The following SP1 variants were observed in gnomAD, a reference collection of about 807,000 sequenced individuals.
SP1 encodes the protein Sp1 transcription factor.
Under a neutral mutation model 66.3 loss-of-function variants are expected in SP1, and 6 were observed. The ratio of observed to expected loss-of-function variants is 0.09; its 90% CI spans 0.05 to 0.18. The LOEUF is 0.18. Ranked by LOEUF, SP1 falls within the 10% of genes least tolerant of loss-of-function variation. SP1 has a pLI of 1.00. For synonymous variants in SP1, 417 were observed against 360.8 expected (o/e 1.16, Z -1.77); for missense variants, 848 against 964.5 (o/e 0.88, Z 1.60).
intron 3 of SP1, among the ~76,000 whole-genome samples, chr12:53,406,156 C>T (rs936337509): frequency 1.5e-4 from 22 of 150,032 alleles, no homozygotes; most frequent in African/African-American, 4.6e-4. Flanking sequence ...CTGCAACCTC[C>T]GCCTCCCGGG....
At chr12:53,394,365 GTTTC>G (rs570663659) in intron 3 of SP1, among the ~76,000 whole-genome samples, 2 of 147,216 alleles carry the variant, frequency 1.4e-5, no homozygotes, top group African/African-American at 2.5e-5. Context: ...AAAAAATCAA[GTTTC>G]TTTCTCTCTC....
At chr12:53,391,580 C>T (rs1938353158) in intron 3 of SP1, among the ~76,000 whole-genome samples, 1 of 152,112 alleles carries the variant, frequency 6.6e-6, no homozygotes, top group Non-Finnish European at 1.5e-5. Flanking sequence ...GCCTCGGCCT[C>T]CCAAAGTGCT....
chr12:53,380,663 C>T (rs1288599032), intron 1 of SP1: 7 of 991,018 alleles, frequency 7.1e-6, no homozygotes, highest in Middle Eastern at 5.0e-4. Context: ...CCGGGCCAAC[C>T]GCCTGCCTGG....
intron 3 of SP1, among the ~76,000 whole-genome samples, chr12:53,405,667 A>C (rs1938716059): frequency 6.6e-6 from 1 of 151,418 alleles, no homozygotes; most frequent in Admixed American, 6.6e-5. Context: ...GTCTCAAAAA[A>C]AGAAAGGAAA....
chr12:53,380,304 G>A lies in SP1; in HGVS notation c.7+6G>A, dbSNP rs778020636. 5 of 1,603,908 alleles carry A rather than the reference G, an allele frequency of 3.1e-6. No homozygotes were observed. Among genetic ancestry groups the A allele is most frequent in the African/African-American group, 1.3e-5 (1 of 74,074 alleles). ...CTCAGCTGCCACCATGAGCGGTAAG[G>A]ATGAGTCCACTCCAAGCTTAGGGGT... On this transcript the variant is annotated splice_donor_region_variant and intron_variant, in intron 1 of 5. Transcript: ENST00000327443.
Position 53,412,492 on chromosome 12 carries a change from T to C in SP1, c.*1252T>C, listed in dbSNP as rs533243677. 1 of 152,752 alleles carries C rather than the reference T, an allele frequency of 6.5e-6. No individual in the cohort carries two copies. The highest frequency in any genetic ancestry group is 1.9e-4 in the East Asian group (1 of 5,192). The allele number at this position is 152,752 out of a possible 1,614,324, so 9.5% of individuals were successfully genotyped here. ...AACATCCCCACTAGGTTCTTTTCCATTGTCAATAAGGAGCATCAGCCAGTG... is the reference window on the plus strand; with the variant it reads ...AACATCCCCACTAGGTTCTTTTCCACTGTCAATAAGGAGCATCAGCCAGTG... On this transcript the variant is annotated 3_prime_UTR_variant, in exon 6 of 6. Transcript: ENST00000327443.
Position 53,382,635 on chromosome 12 carries a change from A to G in SP1, c.688A>G (p.Asn230Asp), listed in dbSNP as rs1163728213. The change falls in exon 3 of 6, where the codon AAC becomes GAC. Residue 230 changes from asparagine to aspartate, a missense_variant. Asn to Asp is a conservative substitution (Grantham distance 23, BLOSUM62 1). Around this residue, in one of 7 missense-constraint regions of SP1, gnomAD observed 606 missense variants for 589.9 expected, o/e 1.03. Coordinates refer to ENST00000327443, the MANE Select transcript of SP1 (RefSeq NM_138473.3). ...SGGNIIAAMP[N>D]LLQQAVPLQG... is the part of the protein sequence containing the mutation. ...AGGCAACATCATTGCTGCTATGCCAAACCTACTCCAGCAGGCTGTCCCCCT... is the reference window on the plus strand; with the variant it reads ...AGGCAACATCATTGCTGCTATGCCAGACCTACTCCAGCAGGCTGTCCCCCT... The G allele has an allele frequency of 1.2e-6, 2 of 1,614,172 alleles. No individual in the cohort carries two copies. The highest frequency in any genetic ancestry group is 2.2e-5 in the East Asian group (1 of 44,886).
chr12:53,404,542 CAAAA>C (rs373558863), intron 3 of SP1, among the ~76,000 whole-genome samples: 2 of 95,836 alleles, frequency 2.1e-5, no homozygotes, highest in South Asian at 3.3e-4. Flanking sequence ...AACTCAGTCT[CAAAA>C]AAAAAAAAAA....
intron 4 of SP1, among the ~76,000 whole-genome samples, chr12:53,408,629 G>A (rs552843395): frequency 4.0e-5 from 6 of 151,672 alleles, no homozygotes; most frequent in South Asian, 4.2e-4. Context: ...AGGCTTGGCC[G>A]GGTGCGGTGG....
At chr12:53,384,485 A>C (rs575284280) in intron 3 of SP1, among the ~76,000 whole-genome samples, 10 of 151,524 alleles carry the variant, frequency 6.6e-5, no homozygotes, top group Admixed American at 5.3e-4. Flanking sequence ...AGGTTTTGCT[A>C]TGTTGGCCAG....
intron 3 of SP1, among the ~76,000 whole-genome samples, chr12:53,403,634 C>T (rs559640805): frequency 6.6e-6 from 1 of 151,996 alleles, no homozygotes; most frequent in African/African-American, 2.4e-5. Context: ...GGATTATAGG[C>T]ATGAGCCACC....
chr12:53,391,371 A>G (rs925143566), intron 3 of SP1, among the ~76,000 whole-genome samples: 1 of 82,772 alleles, frequency 1.2e-5, no homozygotes, highest in African/African-American at 5.0e-5. Context: ...TTTTTTTGAG[A>G]CGGAGTCTCG....
intron 3 of SP1, among the ~76,000 whole-genome samples, chr12:53,393,114 G>A (rs965935361): frequency 3.3e-5 from 5 of 151,998 alleles, no homozygotes; most frequent in African/African-American, 1.2e-4. Context: ...GAGCCACCAC[G>A]CCTGGCCTAG....
chr12:53,380,381 T>A, intron 1 of SP1, 83 bp downstream of exon 1: 1 of 1,218,552 alleles, frequency 8.2e-7, no homozygotes, highest in Non-Finnish European at 1.1e-6. Flanking sequence ...ATCCCCGCCG[T>A]GAAGCGGGGG....
intron 3 of SP1, among the ~76,000 whole-genome samples, chr12:53,390,678 G>A (rs1009809947): frequency 1.3e-5 from 2 of 150,756 alleles, no homozygotes; most frequent in African/African-American, 2.4e-5. Context: ...GCTAGATTCC[G>A]TCTCAAAAAA....
rs545343387 is a variant in SP1 at position 53,408,329 on chromosome 12, C to T, written c.1845-1033C>T. On this transcript the variant is annotated intron_variant, in intron 4 of 5. Transcript: ENST00000327443. ...TCGGCTCACTGCAACCTCCACCTCCCAGGTTCAAGCAATTCCTCTGCTTCA... is the reference window on the plus strand; with the variant it reads ...TCGGCTCACTGCAACCTCCACCTCCTAGGTTCAAGCAATTCCTCTGCTTCA... 7.3e-5 allele frequency among the ~76,000 whole-genome samples: 11 copies of T among 150,834 alleles called. No individual in the cohort carries two copies. The South Asian group carries it at 2.3e-3, about 32-fold the overall frequency.
chr12:53,406,042 T>C (rs1238154083), intron 3 of SP1, among the ~76,000 whole-genome samples: 4 of 151,250 alleles, frequency 2.6e-5, no homozygotes, highest in Admixed American at 6.6e-5. Flanking sequence ...TTTACGTATT[T>C]ATTGGCTCTT....
At chr12:53,405,756 G>A (rs1938719939) in intron 3 of SP1, among the ~76,000 whole-genome samples, 1 of 152,040 alleles carries the variant, frequency 6.6e-6, no homozygotes, top group South Asian at 2.1e-4. Context: ...CTGTTTTCCT[G>A]TACCCTTACC....
At chr12:53,407,761 C>T (rs944073485) in intron 4 of SP1, among the ~76,000 whole-genome samples, 1 of 151,870 alleles carries the variant, frequency 6.6e-6, no homozygotes. Context: ...CTCAGCCTCC[C>T]TAGTAGCTGG....
Sources: gnomAD v4.1 joint callset for allele counts (sites outside exome capture counted in the v4.1 genomes callset) on GRCh38, gnomAD v4.1.1 for gene constraint, gnomAD v4.1.1 regional missense constraint, MANE v1.5 for transcripts, NCBI Gene and HGNC (gene_info 2026-07-23, HGNC 2026-07-21) for gene names.